Variants in ZNF114 observed in about 807,000 individuals in gnomAD.
ZNF114 encodes the protein zinc finger protein 114.
A neutral mutation model predicts 6.8 loss-of-function variants in ZNF114; 8 were observed. The ratio of observed to expected loss-of-function variants is 1.18; its 90% CI spans 0.69 to 2.13. The LOEUF (loss-of-function observed/expected upper bound fraction) is 2.13, where lower values mean the gene tolerates loss of function less well. Among genes scored for constraint, ZNF114 ranks in the 30% most tolerant of loss-of-function variants. The pLI is 0.00. For missense variants in ZNF114, 472 were observed against 519.5 expected, an observed-to-expected ratio of 0.91 and a Z score of 0.89; for synonymous variants, 169 against 185.5, an observed-to-expected ratio of 0.91 and a Z score of 0.72.
At chr19:48,282,808 G>C (rs1568994024) in intron 5 of ZNF114, among the ~76,000 whole-genome samples, 2 of 151,800 alleles carry the variant, frequency 1.3e-5, no homozygotes. Context: ...CACCCCCCAG[G>C]TTCATGCAAT....
chr19:48,280,678 G>A (rs551106302), intron 4 of ZNF114, among the ~76,000 whole-genome samples: 4 of 150,866 alleles, frequency 2.7e-5, no homozygotes, highest in Non-Finnish European at 4.4e-5. Context: ...TCAGCATCCC[G>A]AGTAGCTGGG....
At chr19:48,278,588 G>A (rs541363620) in intron 3 of ZNF114, among the ~76,000 whole-genome samples, 9 of 152,226 alleles carry the variant, frequency 5.9e-5, no homozygotes, top group East Asian at 1.9e-4. Flanking sequence ...GATAGACCAC[G>A]TTTGCTTTCT....
At chr19:48,279,633 G>A (rs1045225970) in intron 3 of ZNF114, 98 bp from the exon 4 acceptor site, 4 of 786,782 alleles carry the variant, frequency 5.1e-6, no homozygotes, top group Non-Finnish European at 8.3e-6. Context: ...GTGTGCACAC[G>A]TGCATTTATA....
intron 4 of ZNF114, chr19:48,281,709 T>TAG (rs67961022): frequency 0.04 from 6,030 of 150,994 alleles, 221 homozygotes; most frequent in Middle Eastern, 0.14. Context: ...TTATTTTTTG[T>TAG]AGACGGGTTG....
At chr19:48,274,107 C>A (rs1967757952) in intron 3 of ZNF114, among the ~76,000 whole-genome samples, 1 of 151,226 alleles carries the variant, frequency 6.6e-6, no homozygotes, top group Non-Finnish European at 1.5e-5. Flanking sequence ...AATGCATACA[C>A]ACACACATAT....
In ZNF114 at chr19:48,286,729, G is replaced by A. The variant is rs751157932; in HGVS notation, c.1105G>A (p.Val369Ile). 2 of 1,613,664 alleles carry A rather than the reference G, an allele frequency of 1.2e-6. No individual in the cohort carries two copies. The highest frequency in any genetic ancestry group is 8.5e-7 in the Non-Finnish European group (1 of 1,179,978). The change falls in exon 6 of 6, where the codon GTC (valine) becomes ATC (isoleucine). Residue 369 changes from valine (V) to isoleucine (I), a missense_variant. Coordinates refer to ENST00000595607, the MANE Select transcript of ZNF114 (RefSeq NM_153608.4). ...KPYECEECGK[V>I]IRESSKYTHI... ...CTACGAATGTGAAGAATGTGGGAAA[G>A]TCATTCGGGAGTCCTCAAAATATAC...
At chr19:48,285,531 G>A (rs910065195) in intron 5 of ZNF114, among the ~76,000 whole-genome samples, 1 of 131,512 alleles carries the variant, frequency 7.6e-6, no homozygotes, top group Non-Finnish European at 1.7e-5. Flanking sequence ...GAACGAGAGA[G>A]AGAGAGAGGA....
chr19:48,284,091 G>A (rs1174012765), intron 5 of ZNF114, among the ~76,000 whole-genome samples: 1 of 152,156 alleles, frequency 6.6e-6, no homozygotes, highest in African/African-American at 2.4e-5. Context: ...TTGGTCAGAG[G>A]AAGGGGGATG....
chr19:48,279,996 C>T (rs577808187), intron 4 of ZNF114, among the ~76,000 whole-genome samples, 188 bp downstream of exon 4: 1 of 152,100 alleles, frequency 6.6e-6, no homozygotes, highest in African/African-American at 2.4e-5. Context: ...CCTGGGACCA[C>T]CCCCACCCCA....
intron 3 of ZNF114, among the ~76,000 whole-genome samples, chr19:48,276,584 C>T (rs938901808): frequency 1.3e-5 from 2 of 152,126 alleles, no homozygotes; most frequent in African/African-American, 4.8e-5. Context: ...TGCAGTAGTG[C>T]AATCATAGTT....
chr19:48,286,711 T>C lies in ZNF114; in HGVS notation c.1087T>C (p.Cys363Arg). 6.2e-7 allele frequency: 1 copy of C among 1,613,560 alleles called. No homozygotes were observed. The highest frequency in any genetic ancestry group is 8.5e-7 in the Non-Finnish European group (1 of 1,179,924). ...TGTTGTGCAGAAGAAGCCCTACGAA[T>C]GTGAAGAATGTGGGAAAGTCATTCG... ...KHVVQKKPYE[C>R]EECGKVIRES... The change falls in exon 6 of 6, where the codon TGT becomes CGT. Residue 363 changes from cysteine to arginine, a missense_variant. Transcript: ENST00000595607.
chr19:48,284,995 A>G (rs889620249), intron 5 of ZNF114, among the ~76,000 whole-genome samples: 5 of 152,080 alleles, frequency 3.3e-5, no homozygotes, highest in Non-Finnish European at 7.4e-5. Context: ...TCTCTGTCCA[A>G]TTCTCTTCCA....
intron 3 of ZNF114, among the ~76,000 whole-genome samples, chr19:48,276,165 C>T (rs1364943270): frequency 5.3e-4 from 80 of 149,660 alleles, no homozygotes; most frequent in African/African-American, 2.0e-4. Flanking sequence ...CCGCAACCTC[C>T]GCCTCCCAGG....
intron 4 of ZNF114, 100 bp from the exon 5 acceptor site, chr19:48,282,271 G>A: frequency 6.7e-7 from 1 of 1,496,456 alleles, no homozygotes; most frequent in Non-Finnish European, 9.1e-7. Flanking sequence ...CAGGTACCAA[G>A]GGTTAAGACC....
chr19:48,273,757 C>CTTTT (rs779316334), intron 3 of ZNF114, among the ~76,000 whole-genome samples: 2 of 127,132 alleles, frequency 1.6e-5, no homozygotes, highest in Non-Finnish European at 3.3e-5. Context: ...TGGGGCTTTT[C>CTTTT]TTTTTTTTTT....
chr19:48,279,691 C>T, intron 3 of ZNF114, 40 bp from the exon 4 acceptor site: 1 of 1,431,410 alleles, frequency 7.0e-7, no homozygotes, highest in Non-Finnish European at 9.8e-7. Context: ...GTGGGGAAGG[C>T]AGGGTGCCTG....
chr19:48,285,240 G>A (rs1054233863), intron 5 of ZNF114, among the ~76,000 whole-genome samples: 9 of 152,190 alleles, frequency 5.9e-5, no homozygotes, highest in African/African-American at 1.4e-4. Flanking sequence ...GCTCATGCCT[G>A]TAATCCCAGC....
Position 48,285,879 on chromosome 19 carries a change from A to G in ZNF114, c.255A>G (p.Thr85=). 8.1e-6 allele frequency: 13 copies of G among 1,614,198 alleles called. No individual in the cohort carries two copies. The highest frequency in any genetic ancestry group is 1.1e-5 in the Non-Finnish European group (13 of 1,180,032). The change falls in exon 6 of 6, where the codon ACA becomes ACG. Residue 85 remains threonine (T), a synonymous_variant. Transcript: ENST00000595607. The part of the protein sequence containing the change: ...CLTSISSQHS[T]LREDWRCPKT... ...CGAGCATCAGTTCCCAGCACTCCACATTAAGAGAAGACTGGAGATGCCCCA... is the reference window on the plus strand; with the variant it reads ...CGAGCATCAGTTCCCAGCACTCCACGTTAAGAGAAGACTGGAGATGCCCCA...
At chr19:48,282,296 T>C (rs1275067022) in intron 4 of ZNF114, 75 bp from the exon 5 acceptor site, 1 of 1,589,538 alleles carries the variant, frequency 6.3e-7, no homozygotes, top group African/African-American at 1.4e-5. Context: ...CCTACCTTTT[T>C]CTGTGGAGAA....
Sources: allele counts gnomAD v4.1 joint callset (sites outside exome capture counted in the v4.1 genomes callset), GRCh38; gene constraint gnomAD v4.1.1; transcripts MANE v1.5; gene names NCBI Gene and HGNC (gene_info 2026-07-23, HGNC 2026-07-21).